Variants in BRINP3 observed in about 807,000 individuals in gnomAD.
The protein encoded by BRINP3 is BMP/retinoic acid inducible neural specific 3.
Under a neutral mutation model 71.0 loss-of-function variants are expected in BRINP3, and 19 were observed. That is an observed-to-expected ratio of 0.27 (90% CI 0.19 to 0.39). BRINP3 has a LOEUF of 0.39. Among genes scored for constraint, BRINP3 ranks in the 10% least tolerant of loss-of-function variants. The pLI, the probability that BRINP3 is intolerant of heterozygous loss-of-function variation, is 1.00. For synonymous variants in BRINP3, 380 were observed against 337.7 expected (o/e 1.13, Z -1.37); for missense variants, 959 against 940.8 (o/e 1.02, Z -0.25).
At chr1:190,451,924 G>A (rs1675633603) in intron 2 of BRINP3, among the ~76,000 whole-genome samples, 1 of 152,072 alleles carries the variant, frequency 6.6e-6, no homozygotes, top group Admixed American at 6.5e-5. Context: ...ATATTAACAG[G>A]TTTGATATGT....
intron 2 of BRINP3, among the ~76,000 whole-genome samples, chr1:190,387,051 C>A (rs1414722300): frequency 1.3e-5 from 2 of 152,086 alleles, no homozygotes; most frequent in East Asian, 3.9e-4. Context: ...TAATCTTCAT[C>A]TCTTCTGATC....
At chr1:190,300,580 G>C (rs1351411448) in intron 2 of BRINP3, among the ~76,000 whole-genome samples, 5 of 152,130 alleles carry the variant, frequency 3.3e-5, no homozygotes, top group African/African-American at 1.2e-4. Flanking sequence ...CTGGAGATCT[G>C]AGAACGGGCA....
rs143804898 is a variant in BRINP3, at chr1:190,434,999, C to T, written c.236+19656G>A. 5.7e-4 allele frequency among the ~76,000 whole-genome samples: 87 copies of T among 152,214 alleles called. 1 individual carries two copies. The East Asian group carries it at 0.015, about 26-fold the overall frequency. ...GCTCTATGAAGACTTCATGCTGCTTCATGATGTCCTTGATTATTTTAGATG... is the reference window on the plus strand; with the variant it reads ...GCTCTATGAAGACTTCATGCTGCTTTATGATGTCCTTGATTATTTTAGATG... On this transcript the variant is annotated intron_variant, in intron 2 of 7. Transcript: ENST00000367462.
Position 190,173,309 on chromosome 1 carries a change from G to A in BRINP3, c.962-12419C>T, listed in dbSNP as rs1652193020. Among the ~76,000 whole-genome samples the A allele has an allele frequency of 2.0e-5, 3 of 152,122 alleles. No individual in the cohort carries two copies. The South Asian group carries it at 6.2e-4, about 31-fold the overall frequency. On this transcript the variant is annotated intron_variant, in intron 6 of 7. Transcript: ENST00000367462. ...GAGACAAAAGCAAGAATCTGTACGT[G>A]GGGGAAGGGATATATTCATGGCTAA...
intron 6 of BRINP3, among the ~76,000 whole-genome samples, chr1:190,163,025 C>G (rs1651153702): frequency 6.6e-6 from 1 of 152,010 alleles, no homozygotes; most frequent in South Asian, 2.1e-4. Context: ...GATGTTAAAA[C>G]TAACATCTTC....
At chr1:190,281,890 C>A in intron 2 of BRINP3, 140 bp from the exon 3 acceptor site, 3 of 662,006 alleles carry the variant, frequency 4.5e-6, no homozygotes, top group Non-Finnish European at 7.1e-6. Flanking sequence ...GTAGGAGAAG[C>A]AATATTTATA....
At chr1:190,191,488 G>A (rs1252846176) in intron 6 of BRINP3, among the ~76,000 whole-genome samples, 2 of 152,002 alleles carry the variant, frequency 1.3e-5, no homozygotes, top group East Asian at 1.9e-4. Flanking sequence ...TCCCACTTAT[G>A]AGTGCGAACA....
chr1:190,417,174 A>C (rs769213563), intron 2 of BRINP3, among the ~76,000 whole-genome samples: 1 of 152,120 alleles, frequency 6.6e-6, no homozygotes, highest in South Asian at 2.1e-4. Context: ...ATCACAAACT[A>C]AGGTAAATAA....
chr1:190,234,634 T>C (rs1658343752), intron 4 of BRINP3, among the ~76,000 whole-genome samples, 157 bp from the exon 5 acceptor site: 3 of 152,154 alleles, frequency 2.0e-5, no homozygotes. Flanking sequence ...CACCTAAACA[T>C]AGCGGAAAGC....
intron 2 of BRINP3, among the ~76,000 whole-genome samples, chr1:190,428,814 A>G (rs1039523929): frequency 6.6e-6 from 1 of 152,138 alleles, no homozygotes; most frequent in Non-Finnish European, 1.5e-5. Context: ...CTAAAATAAT[A>G]CTAATAAAAC....
At chr1:190,116,043 C>T (rs998477214) in intron 7 of BRINP3, among the ~76,000 whole-genome samples, 5 of 152,022 alleles carry the variant, frequency 3.3e-5, no homozygotes, top group Admixed American at 3.3e-4. Context: ...ACGATAGACA[C>T]ATTCATCATC....
At chr1:190,443,391 C>G (rs952502514) in intron 2 of BRINP3, among the ~76,000 whole-genome samples, 7 of 138,194 alleles carry the variant, frequency 5.1e-5, no homozygotes, top group Non-Finnish European at 7.7e-5. Flanking sequence ...GGCGACAGAG[C>G]AAGACTCCGT....
At chr1:190,365,835 T>TATATAC (rs1553303272) in intron 2 of BRINP3, among the ~76,000 whole-genome samples, 64 of 136,744 alleles carry the variant, frequency 4.7e-4, no homozygotes, top group Middle Eastern at 4.3e-3. Context: ...TATATATATA[T>TATATAC]ACACACACAC....
rs150564239 is a variant in BRINP3, at chr1:190,273,861, T to C, written c.427+7699A>G. On this transcript the variant is annotated intron_variant, in intron 3 of 7. Coordinates refer to ENST00000367462, the MANE Select transcript of BRINP3 (RefSeq NM_199051.3). The stretch of plus-strand genomic sequence containing the variant: ...AATCCTACAGGTAAATCAACAATGA[T>C]AATGTGGTAGATTATTTTGTTCTTT... Among the ~76,000 whole-genome samples the C allele has an allele frequency of 9.9e-5, 15 of 151,708 alleles. No individual in the cohort carries two copies. The East Asian group carries it at 2.7e-3, about 28-fold the overall frequency.
At chr1:190,165,928 C>T (rs898866727) in intron 6 of BRINP3, among the ~76,000 whole-genome samples, 1 of 152,154 alleles carries the variant, frequency 6.6e-6, no homozygotes, top group Non-Finnish European at 1.5e-5. Context: ...TACTAATACA[C>T]AAATTTTGAC....
intron 2 of BRINP3, chr1:190,342,430 C>T (rs1667725725): frequency 6.6e-6 from 1 of 150,616 alleles, no homozygotes; most frequent in African/African-American, 2.4e-5. Flanking sequence ...TTTCCACAGG[C>T]CCATTTGCTT....
At chr1:190,334,201 G>T (rs891160222) in intron 2 of BRINP3, among the ~76,000 whole-genome samples, 1 of 151,758 alleles carries the variant, frequency 6.6e-6, no homozygotes, top group Non-Finnish European at 1.5e-5. Flanking sequence ...AAATAAAGCA[G>T]CTTGATTTTG....
At chr1:190,352,166 G>A (rs1668430856) in intron 2 of BRINP3, among the ~76,000 whole-genome samples, 1 of 151,906 alleles carries the variant, frequency 6.6e-6, no homozygotes, top group African/African-American at 2.4e-5. Flanking sequence ...ATGTTCTGTG[G>A]AAACCATAAA....
intron 3 of BRINP3, among the ~76,000 whole-genome samples, chr1:190,267,099 A>C (rs1661726885): frequency 1.3e-5 from 2 of 152,176 alleles, no homozygotes. Flanking sequence ...TCTAGGTACA[A>C]AGGGGATAAA....
Sources: allele counts gnomAD v4.1 joint callset (sites outside exome capture counted in the v4.1 genomes callset), GRCh38; gene constraint gnomAD v4.1.1; transcripts MANE v1.5; gene names NCBI Gene and HGNC (gene_info 2026-07-23, HGNC 2026-07-21).